HEPH: variants seen among roughly 807,000 people sequenced by gnomAD.
HEPH encodes hephaestin.
HEPH carries 69 observed loss-of-function variants against 80.8 expected under a neutral mutation model. The observed-to-expected ratio is 0.85, with a 90% CI of 0.70 to 1.04. The LOEUF (loss-of-function observed/expected upper bound fraction) is 1.04, where lower values mean the gene tolerates loss of function less well. HEPH is among the 50% of genes least tolerant of loss of function. The pLI, the probability that HEPH is intolerant of heterozygous loss-of-function variation, is 0.00. For missense variants in HEPH, 1,115 were observed against 891.3 expected, an observed-to-expected ratio of 1.25 and a Z score of -3.20; for synonymous variants, 431 against 322.8, an observed-to-expected ratio of 1.34 and a Z score of -3.60.
In HEPH at chrX:66,208,191, G is replaced by A; in HGVS notation, c.2508G>A (p.Val836=). The A allele has an allele frequency of 8.3e-7, 1 of 1,208,502 alleles. No individual in the cohort carries two copies. Among genetic ancestry groups the A allele is most frequent in the Non-Finnish European group, 1.1e-6 (1 of 892,962 alleles). Residue 836 remains valine, a synonymous_variant, in exon 15 of 21, where the codon GTG becomes GTA. Coordinates refer to ENST00000343002, the MANE Select transcript of HEPH (RefSeq NM_001367233.3). ...FKNNASRPYS[V]HAHGVLESTT... ...ATAATGCCAGCCGCCCCTACTCTGT[G>A]CATGCTCATGGAGTGCTAGAATCTA...
intron 3 of HEPH, among the ~76,000 whole-genome samples, chrX:66,172,953 C>T (rs186689125): frequency 8.9e-6 from 1 of 112,379 alleles, no homozygotes; most frequent in Non-Finnish European, 1.9e-5. Context: ...GATTGTCATC[C>T]TAGTGTCACA....
intron 20 of HEPH, 97 bp from the exon 21 acceptor site, chrX:66,266,343 T>C: frequency 1.7e-6 from 1 of 597,268 alleles, no homozygotes; most frequent in South Asian, 2.9e-5. Context: ...CCTGTCCTAT[T>C]TGGATTGACT....
At chrX:66,210,006 G>A (rs949732175) in intron 15 of HEPH, among the ~76,000 whole-genome samples, 5 of 111,598 alleles carry the variant, frequency 4.5e-5, no homozygotes, top group African/African-American at 1.6e-4. Context: ...GTGGTTAAAA[G>A]CATAAGAGTG....
At chrX:66,207,858 T>C (rs961061864) in intron 14 of HEPH, among the ~76,000 whole-genome samples, 2 of 110,594 alleles carry the variant, frequency 1.8e-5, no homozygotes, top group Non-Finnish European at 3.8e-5. Context: ...AGATAGAGGG[T>C]AGGGGTGGGA....
Position 66,266,474 on chromosome X carries a change from G to A in HEPH, c.3279G>A (p.Val1093=). 8.3e-7 allele frequency: 1 copy of A among 1,209,549 alleles called. No homozygotes were observed. Among genetic ancestry groups the A allele is most frequent in the Non-Finnish European group, 1.1e-6 (1 of 894,611 alleles). The change falls in exon 21 of 21, where the codon GTG becomes GTA. Residue 1093 remains valine (V), a synonymous_variant. Transcript: ENST00000343002. ...VPPRDIEEGN[V]KMLGMQIPIK... is the part of the protein sequence containing the mutation. Reference sequence around the variant, plus strand: ...CCAGAGACATTGAAGAAGGCAATGTGAAGATGCTGGGCATGCAGATCCCCA... The same window carrying A: ...CCAGAGACATTGAAGAAGGCAATGTAAAGATGCTGGGCATGCAGATCCCCA...
At chrX:66,241,822 T>A (rs2090598210) in intron 15 of HEPH, among the ~76,000 whole-genome samples, 1 of 110,975 alleles carries the variant, frequency 9.0e-6, no homozygotes, top group Non-Finnish European at 1.9e-5. Flanking sequence ...AGGTGGAGGA[T>A]GTCTGTAACA....
Position 66,192,298 on chromosome X carries a change from G to A in HEPH, c.1232G>A (p.Ser411Asn). The part of the protein sequence containing the change: ...STGKNLREPG[S>N]ISDKFFQKSS... The stretch of plus-strand genomic sequence containing the variant: ...GGGAAGAATTTGAGAGAGCCAGGCA[G>A]GTAAGAGGCAGTGGGATCCCTCTCT... Residue 411 changes from serine (S) to asparagine (N), a missense_variant and splice_region_variant, in exon 7 of 21, where the codon AGT becomes AAT. By Grantham distance (46) the Ser-to-Asn change is conservative. Coordinates refer to ENST00000343002, the MANE Select transcript of HEPH (RefSeq NM_001367233.3). 1 of 1,200,530 alleles carries A rather than the reference G, an allele frequency of 8.3e-7. No homozygotes were observed. The highest frequency in any genetic ancestry group is 1.1e-6 in the Non-Finnish European group (1 of 887,295).
chrX:66,243,718 G>T (rs996590274), intron 15 of HEPH, among the ~76,000 whole-genome samples: 2 of 112,831 alleles, frequency 1.8e-5, no homozygotes, highest in Non-Finnish European at 3.8e-5. Context: ...GTTGTTACCT[G>T]GTTATTATGC....
intron 7 of HEPH, among the ~76,000 whole-genome samples, chrX:66,193,099 C>G (rs1416422561): frequency 3.6e-5 from 4 of 110,835 alleles, no homozygotes; most frequent in Non-Finnish European, 7.5e-5. Context: ...AGTGGGCTTT[C>G]ATTTTGGAGT....
At position 66,193,578 on chromosome X, in the gene HEPH, C is replaced by T. The variant is rs767385080; in HGVS notation, c.1309C>T (p.Gln437Ter). The T allele has an allele frequency of 8.4e-7, 1 of 1,192,446 alleles. No homozygotes were observed. Among genetic ancestry groups the T allele is most frequent in the Admixed American group, 2.2e-5 (1 of 45,178 alleles). Residue 437 changes from glutamine (Q) to a stop codon, truncating the protein, a stop_gained, in exon 8 of 21, where the codon CAA (glutamine) becomes TAA (stop). Coordinates refer to ENST00000343002, the MANE Select transcript of HEPH (RefSeq NM_001367233.3). LOFTEE classifies it high-confidence loss of function. ...TYWKVRYEAF[Q>*]DETFQEKMHL... ...CTGGAAAGTGCGATATGAAGCCTTTCAAGATGAGACATTCCAAGAGAAGAT... is the reference window on the plus strand; with the variant it reads ...CTGGAAAGTGCGATATGAAGCCTTTTAAGATGAGACATTCCAAGAGAAGAT...
At chrX:66,165,229 A>AT (rs1315088059) in intron 1 of HEPH, among the ~76,000 whole-genome samples, 1 of 112,135 alleles carries the variant, frequency 8.9e-6, no homozygotes, top group African/African-American at 3.2e-5. Flanking sequence ...ATATCATCCC[A>AT]TTTTTTGGAT....
rs948190506 is a variant in HEPH, at chrX:66,187,398, A to T, written c.626-961A>T. ...TTTGAGTGGGCTCTGTCAGAGGGAAACTCTAGGGCTGAAGGCTGTTCTTCA... is the reference window on the plus strand; with the variant it reads ...TTTGAGTGGGCTCTGTCAGAGGGAATCTCTAGGGCTGAAGGCTGTTCTTCA... On this transcript the variant is annotated intron_variant, in intron 4 of 20. Coordinates refer to ENST00000343002, the MANE Select transcript of HEPH (RefSeq NM_001367233.3). 7.3e-5 allele frequency among the ~76,000 whole-genome samples: 8 copies of T among 110,017 alleles called. No individual in the cohort carries two copies. In the South Asian group the frequency reaches 2.0e-3, roughly 27 times the overall value.
intron 15 of HEPH, among the ~76,000 whole-genome samples, chrX:66,247,115 A>T (rs943023913): frequency 2.3e-4 from 25 of 110,151 alleles, no homozygotes; most frequent in South Asian, 7.9e-4. Context: ...TGTCTTTTTT[A>T]AAATAGTTTA....
intron 4 of HEPH, among the ~76,000 whole-genome samples, chrX:66,176,355 C>A (rs1569288841): frequency 1.8e-5 from 2 of 111,760 alleles, no homozygotes; most frequent in Admixed American, 9.5e-5. Flanking sequence ...GCATTCCTTT[C>A]ATATGCATCA....
chrX:66,237,382 T>C (rs1484326252), intron 15 of HEPH, among the ~76,000 whole-genome samples: 1 of 112,030 alleles, frequency 8.9e-6, no homozygotes, highest in Non-Finnish European at 1.9e-5. Context: ...TTAATTTCAT[T>C]ATTTACCAAA....
chrX:66,200,734 A>G lies in HEPH; in HGVS notation c.2059A>G (p.Met687Val). ...LFPHTFVMAI[M>V]QPDNLGTFEI... Reference sequence around the variant, plus strand: ...TCCTCATACCTTTGTCATGGCCATCATGCAGCCTGACAACCTTGGTAAGTG... The same window carrying G: ...TCCTCATACCTTTGTCATGGCCATCGTGCAGCCTGACAACCTTGGTAAGTG... The change falls in exon 12 of 21, where the codon ATG becomes GTG. Residue 687 changes from methionine to valine, a missense_variant. Physicochemically the swap from Met to Val is conservative, Grantham distance 21. Transcript: ENST00000343002. The G allele has an allele frequency of 8.3e-7, 1 of 1,210,047 alleles. No homozygotes were observed. The highest frequency in any genetic ancestry group is 1.1e-6 in the Non-Finnish European group (1 of 894,469).
chrX:66,162,888 A>G (rs1235250039), upstream of HEPH: 2 of 1,147,372 alleles, frequency 1.7e-6, no homozygotes, highest in Non-Finnish European at 2.3e-6. Context: ...TAAGAATATC[A>G]GGTGGTGGAA....
At chrX:66,260,011 T>A (rs1230668294) in intron 18 of HEPH, 89 bp from the exon 19 acceptor site, 23 of 772,439 alleles carry the variant, frequency 3.0e-5, no homozygotes, top group Non-Finnish European at 4.1e-5. Flanking sequence ...CTCCCTAATG[T>A]GGACATCACA....
chrX:66,229,067 G>T (rs977383617), intron 15 of HEPH, among the ~76,000 whole-genome samples: 1 of 112,179 alleles, frequency 8.9e-6, no homozygotes, highest in Non-Finnish European at 1.9e-5. Flanking sequence ...TACGAAAAAA[G>T]ATACTTGCAC....
Sources: gnomAD v4.1 joint callset for allele counts (sites outside exome capture counted in the v4.1 genomes callset) on GRCh38, gnomAD v4.1.1 for gene constraint, MANE v1.5 for transcripts, NCBI Gene and HGNC (gene_info 2026-07-23, HGNC 2026-07-21) for gene names.